The following PLCZ1 variants were observed in gnomAD, a reference collection of about 807,000 sequenced individuals.
PLCZ1 encodes the protein 1-phosphatidylinositol 4,5-bisphosphate phosphodiesterase zeta-1.
Under a neutral mutation model 76.8 loss-of-function variants are expected in PLCZ1, and 64 were observed. The observed-to-expected ratio is 0.83, with a 90% CI of 0.68 to 1.03. The LOEUF is 1.03. PLCZ1 is among the 50% of genes least tolerant of loss of function. The probability of loss-of-function intolerance (pLI) is 0.00; values close to 1 mark genes in which losing one functional copy is unlikely to be tolerated. For missense variants in PLCZ1, 751 were observed against 713.7 expected (o/e 1.05, Z -0.60); for synonymous variants, 248 against 230.8 (o/e 1.07, Z -0.68).
At chr12:18,724,306 G>A (rs561930101) in intron 3 of PLCZ1, among the ~76,000 whole-genome samples, 3 of 151,998 alleles carry the variant, frequency 2.0e-5, no homozygotes, top group South Asian at 2.1e-4. Flanking sequence ...AGAAGAATTC[G>A]ACACAATGAA....
chr12:18,672,041 C>A, the PLCZ1 span, among the ~76,000 whole-genome samples: 2 of 152,134 alleles, frequency 1.3e-5, no homozygotes, highest in African/African-American at 4.8e-5. Flanking sequence ...CCTACTAATA[C>A]CATTACTTTG....
chr12:18,664,394 A>G, the PLCZ1 span, among the ~76,000 whole-genome samples: 1 of 152,220 alleles, frequency 6.6e-6, no homozygotes, highest in African/African-American at 2.4e-5. Context: ...ATAAATGGAT[A>G]AGGAAACTGT....
chr12:18,704,032 G>T (rs1356305026), intron 7 of PLCZ1, among the ~76,000 whole-genome samples: 1 of 152,150 alleles, frequency 6.6e-6, no homozygotes, highest in East Asian at 1.9e-4. Context: ...AGGGAGAAAG[G>T]CCCAGCAAAG....
chr12:18,723,378 T>C lies in PLCZ1; in HGVS notation c.300A>G (p.Gln100=). The C allele has an allele frequency of 6.2e-7, 1 of 1,612,998 alleles. No homozygotes were observed. The highest frequency in any genetic ancestry group is 8.5e-7 in the Non-Finnish European group (1 of 1,179,454). ...SNLAQFLTQE[Q]YAAEMSKAIA... Reference sequence around the variant, plus strand: ...TAGCTTTACTCATCTCAGCTGCATATTGTTCTTGTGTCAGAAATTGAGCCA... The same window carrying C: ...TAGCTTTACTCATCTCAGCTGCATACTGTTCTTGTGTCAGAAATTGAGCCA... Residue 100 remains glutamine (Q), a synonymous_variant, in exon 4 of 15, where the codon CAA becomes CAG. Coordinates refer to ENST00000266505, the MANE Select transcript of PLCZ1 (RefSeq NM_033123.4).
At chr12:18,668,049 ACAGT>A in the PLCZ1 span, among the ~76,000 whole-genome samples, 2 of 152,192 alleles carry the variant, frequency 1.3e-5, no homozygotes, top group Admixed American at 6.5e-5. Flanking sequence ...GATTTCTGAT[ACAGT>A]CAAAGTTCGT....
the PLCZ1 span, among the ~76,000 whole-genome samples, chr12:18,651,004 C>G: frequency 6.6e-6 from 1 of 151,836 alleles, no homozygotes; most frequent in Non-Finnish European, 1.5e-5. Context: ...GTTCAAAACT[C>G]TGCAGGGGCT....
chr12:18,708,064 A>G (rs1157055466), intron 6 of PLCZ1, among the ~76,000 whole-genome samples: 1 of 152,222 alleles, frequency 6.6e-6, no homozygotes, highest in Admixed American at 6.5e-5. Context: ...CATATACAGT[A>G]TAACTTTATT....
chr12:18,723,289 A>C (rs1244707512), intron 4 of PLCZ1, 22 bp downstream of exon 4: 2 of 1,581,082 alleles, frequency 1.3e-6, no homozygotes, highest in Non-Finnish European at 1.7e-6. Context: ...TATTCCGATA[A>C]AAGTTTGAAA....
chr12:18,669,608 C>G, the PLCZ1 span, among the ~76,000 whole-genome samples: 1 of 151,978 alleles, frequency 6.6e-6, no homozygotes, highest in African/African-American at 2.4e-5. Context: ...CAGACAGTTG[C>G]CTTTGCAGCT....
the PLCZ1 span, among the ~76,000 whole-genome samples, chr12:18,676,546 G>A: frequency 6.6e-6 from 1 of 152,144 alleles, no homozygotes; most frequent in African/African-American, 2.4e-5. Context: ...TGGTAGTTAT[G>A]TTCATTTTAT....
chr12:18,683,158 T>TA, downstream of PLCZ1: 4 of 1,236,008 alleles, frequency 3.2e-6, no homozygotes, highest in Non-Finnish European at 4.7e-6. Context: ...TCTTTATGTT[T>TA]AAAAAAGAAA....
In PLCZ1 at chr12:18,693,017, A is replaced by G. The variant is rs181872974; in HGVS notation, c.1461+1893T>C. The G allele has an allele frequency of 1.4e-3, 1,962 of 1,426,398 alleles. 23 individuals carry two copies. The African/African-American group carries it at 0.024, about 18-fold the overall frequency. The allele number at this position is 1,426,398 out of a possible 1,614,324, so 88.4% of individuals were successfully genotyped here. On this transcript the variant is annotated intron_variant, in intron 12 of 14. Transcript: ENST00000266505. ...TTCTCATGGAGGAAGAATTCATTAG[A>G]AATCAGGAACAAATGAAACCATTAG...
chr12:18,718,923 A>G (rs921709241), intron 5 of PLCZ1, among the ~76,000 whole-genome samples: 1 of 152,196 alleles, frequency 6.6e-6, no homozygotes, highest in Non-Finnish European at 1.5e-5. Context: ...CAGCAATGCA[A>G]TGTGGATTAT....
the PLCZ1 span, among the ~76,000 whole-genome samples, chr12:18,646,611 C>G: frequency 6.6e-6 from 1 of 152,122 alleles, no homozygotes; most frequent in Non-Finnish European, 1.5e-5. Context: ...GAGGGCTGCC[C>G]TCTCAAGTTG....
At chr12:18,685,830 TCA>T (rs1953033793) in intron 13 of PLCZ1, among the ~76,000 whole-genome samples, 1 of 123,162 alleles carries the variant, frequency 8.1e-6, no homozygotes, top group African/African-American at 3.4e-5. Context: ...TCTCTCTCTG[TCA>T]CACACACACA....
At chr12:18,696,892 G>A (rs752926853) in intron 10 of PLCZ1, among the ~76,000 whole-genome samples, 4 of 151,938 alleles carry the variant, frequency 2.6e-5, no homozygotes, top group South Asian at 2.1e-4. Flanking sequence ...TTCAAATGTC[G>A]TTCTTACTGG....
chr12:18,671,091 T>G, the PLCZ1 span, among the ~76,000 whole-genome samples: 34 of 151,228 alleles, frequency 2.2e-4, no homozygotes, highest in African/African-American at 6.6e-4. Context: ...GCAGGAGAAT[T>G]ACTTGAGCCT....
the PLCZ1 span, among the ~76,000 whole-genome samples, chr12:18,659,422 A>G: frequency 6.6e-6 from 1 of 152,278 alleles, no homozygotes; most frequent in East Asian, 1.9e-4. Flanking sequence ...CTGATACTCT[A>G]TCATCCCTGC....
chr12:18,689,340 G>A (rs2137098422), intron 12 of PLCZ1, among the ~76,000 whole-genome samples: 1 of 152,260 alleles, frequency 6.6e-6, no homozygotes, highest in South Asian at 2.1e-4. Flanking sequence ...TGAGAATTTA[G>A]GGCAAGCTTG....
Sources: allele counts gnomAD v4.1 joint callset (sites outside exome capture counted in the v4.1 genomes callset), GRCh38; gene constraint gnomAD v4.1.1; transcripts MANE v1.5; gene names NCBI Gene and HGNC (gene_info 2026-07-23, HGNC 2026-07-21).